Variants in NIPSNAP2 observed in about 807,000 individuals in gnomAD.
NIPSNAP2 encodes protein NipSnap homolog 2.
Under a neutral mutation model 48.4 loss-of-function variants are expected in NIPSNAP2, and 42 were observed. That is an observed-to-expected ratio of 0.87 (90% CI 0.68 to 1.12). NIPSNAP2 has a LOEUF of 1.12. Among genes scored for constraint, NIPSNAP2 ranks in the 50% most tolerant of loss-of-function variants. The pLI is 0.00. For synonymous variants in NIPSNAP2, 158 were observed against 126.6 expected (o/e 1.25, Z -1.67); for missense variants, 314 against 347.3 (o/e 0.90, Z 0.76).
chr7:55,990,257 C>G (rs1249255152), intron 7 of NIPSNAP2, among the ~76,000 whole-genome samples: 1 of 137,984 alleles, frequency 7.2e-6, no homozygotes, highest in East Asian at 2.1e-4. Flanking sequence ...GAGACGGAGT[C>G]TTGCTCTGTT....
At chr7:55,984,399 A>G (rs903898639) in intron 6 of NIPSNAP2, among the ~76,000 whole-genome samples, 3 of 152,106 alleles carry the variant, frequency 2.0e-5, no homozygotes, top group Non-Finnish European at 2.9e-5. Context: ...CAACATAGTG[A>G]GACCCTGTCT....
intron 7 of NIPSNAP2, among the ~76,000 whole-genome samples, chr7:55,990,160 A>C (rs1787413587): frequency 6.6e-6 from 1 of 152,058 alleles, no homozygotes. Flanking sequence ...TATCTAATTC[A>C]ACAAAAGATT....
chr7:55,984,531 A>G (rs1787286996), intron 6 of NIPSNAP2, among the ~76,000 whole-genome samples: 1 of 152,138 alleles, frequency 6.6e-6, no homozygotes, highest in African/African-American at 2.4e-5. Context: ...AGCTTGGCCA[A>G]CATGGTGAAA....
At chr7:55,997,827 C>G (rs1400352671) in intron 9 of NIPSNAP2, among the ~76,000 whole-genome samples, 1 of 152,056 alleles carries the variant, frequency 6.6e-6, no homozygotes, top group African/African-American at 2.4e-5. Context: ...CTTAATACAT[C>G]AATTAAAGAG....
intron 3 of NIPSNAP2, 188 bp downstream of exon 3, chr7:55,978,583 A>G: frequency 3.4e-6 from 2 of 590,244 alleles, no homozygotes; most frequent in Non-Finnish European, 5.9e-6. Context: ...GCACTCACAC[A>G]GCTAAATCAT....
At chr7:55,975,900 CG>C (rs1259006025) in intron 1 of NIPSNAP2, among the ~76,000 whole-genome samples, 20 of 152,060 alleles carry the variant, frequency 1.3e-4, no homozygotes, top group South Asian at 4.1e-4. Context: ...TAGCCGTGCA[CG>C]GTGGCACACC....
At chr7:55,973,970 A>G (rs1250217835) in intron 1 of NIPSNAP2, among the ~76,000 whole-genome samples, 2 of 152,106 alleles carry the variant, frequency 1.3e-5, no homozygotes, top group Non-Finnish European at 2.9e-5. Context: ...CACCCTTGCA[A>G]TCTCAGCACT....
At chr7:55,967,632 ATTAT>A (rs61430146) in intron 1 of NIPSNAP2, among the ~76,000 whole-genome samples, 24,695 of 142,610 alleles carry the variant, frequency 0.17, 2,607 homozygotes, top group African/African-American at 0.31. Flanking sequence ...ATGCCCAGCT[ATTAT>A]TTATTTATTT....
At chr7:55,974,836 C>T (rs1472339299) in intron 1 of NIPSNAP2, among the ~76,000 whole-genome samples, 15 of 122,306 alleles carry the variant, frequency 1.2e-4, no homozygotes, top group African/African-American at 3.4e-4. Context: ...CAACAGAGCG[C>T]GACTCTGTCT....
At position 55,978,339 on chromosome 7, in the gene NIPSNAP2, T is replaced by C; in HGVS notation, c.233-11T>C. 1 of 1,613,540 alleles carries C rather than the reference T, an allele frequency of 6.2e-7. No homozygotes were observed. Among genetic ancestry groups the C allele is most frequent in the Non-Finnish European group, 8.5e-7 (1 of 1,179,818 alleles). On this transcript the variant is annotated splice_polypyrimidine_tract_variant and intron_variant, in intron 2 of 9. Transcript: ENST00000322090. ...TTCCTAAGTTTATCGTTGAATTTTC[T>C]TTTGTTTCAGTTCACAATGTTAAAC...
At chr7:55,978,651 C>T in intron 3 of NIPSNAP2, 3 of 457,834 alleles carry the variant, frequency 6.6e-6, no homozygotes, top group Non-Finnish European at 1.2e-5. Flanking sequence ...AGGAACTTTG[C>T]CAGGCTGTCT....
intron 1 of NIPSNAP2, among the ~76,000 whole-genome samples, chr7:55,968,420 C>G (rs1261767383): frequency 6.7e-6 from 1 of 149,432 alleles, no homozygotes; most frequent in East Asian, 2.0e-4. Context: ...GAGTCTCGCT[C>G]TGTCACCCAG....
chr7:55,993,255 C>T lies in NIPSNAP2; in HGVS notation c.618-1639C>T, dbSNP rs28583345. Among the ~76,000 whole-genome samples, 1,323 of 150,186 alleles carry T rather than the reference C, an allele frequency of 8.8e-3. 23 individuals are homozygous for T. The highest frequency in any genetic ancestry group is 0.031 in the African/African-American group (1,254 of 40,744). ...CAGAGGTTGCAGTGAGCCGAGATCC[C>T]GCCACTGCACTCCTGAGTGGCAGAG... On this transcript the variant is annotated intron_variant, in intron 7 of 9. Coordinates refer to ENST00000322090, the MANE Select transcript of NIPSNAP2 (RefSeq NM_001483.3).
At chr7:55,979,659 T>C (rs1787172536) in intron 3 of NIPSNAP2, 1 of 412,074 alleles carries the variant, frequency 2.4e-6, no homozygotes, top group Non-Finnish European at 4.8e-6. Context: ...CTGTGTCTCC[T>C]TCCTGCCCTG....
At chr7:55,994,755 G>C in intron 7 of NIPSNAP2, 139 bp from the exon 8 acceptor site, 1 of 708,404 alleles carries the variant, frequency 1.4e-6, no homozygotes, top group Non-Finnish European at 2.5e-6. Flanking sequence ...ATTTGCCTTA[G>C]ATAACTTGAT....
intron 3 of NIPSNAP2, 79 bp downstream of exon 3, chr7:55,978,474 C>A (rs1787148121): frequency 8.4e-7 from 1 of 1,194,408 alleles, no homozygotes; most frequent in South Asian, 1.5e-5. Context: ...CACTTGATAG[C>A]ATAGAGAGAG....
At chr7:55,988,517 G>A (rs888353525) in intron 7 of NIPSNAP2, among the ~76,000 whole-genome samples, 1 of 152,080 alleles carries the variant, frequency 6.6e-6, no homozygotes, top group African/African-American at 2.4e-5. Context: ...TTGCTGATGG[G>A]AATGTAAAAT....
At chr7:55,994,739 CTT>C (rs71015151) in intron 7 of NIPSNAP2, among the ~76,000 whole-genome samples, 153 bp from the exon 8 acceptor site, 6,865 of 152,224 alleles carry the variant, frequency 0.045, 293 homozygotes, top group East Asian at 0.22. Flanking sequence ...AATAAAATAA[CTT>C]TTGATTTGCC....
chr7:55,973,637 G>A (rs1787054403), intron 1 of NIPSNAP2, among the ~76,000 whole-genome samples: 1 of 149,558 alleles, frequency 6.7e-6, no homozygotes, highest in Non-Finnish European at 1.5e-5. Flanking sequence ...ACCACACCCA[G>A]CTATTTTTTT....
Sources: gnomAD v4.1 joint callset for allele counts (sites outside exome capture counted in the v4.1 genomes callset) on GRCh38, gnomAD v4.1.1 for gene constraint, MANE v1.5 for transcripts, NCBI Gene and HGNC (gene_info 2026-07-23, HGNC 2026-07-21) for gene names.